The following SPO11 variants were observed in gnomAD, a reference collection of about 807,000 sequenced individuals.
SPO11 encodes the protein SPO11 initiator of meiotic double strand breaks, also known as meiotic recombination protein SPO11.
Under a neutral mutation model 51.6 loss-of-function variants are expected in SPO11, and 49 were observed. That is an observed-to-expected ratio of 0.95 (90% CI 0.75 to 1.20). The LOEUF (loss-of-function observed/expected upper bound fraction) is 1.20. SPO11 is among the 50% of genes most tolerant of loss of function. The pLI, the probability that SPO11 is intolerant of heterozygous loss-of-function variation, is 0.00. For missense variants in SPO11, 431 were observed against 473.4 expected (o/e 0.91, Z 0.83); for synonymous variants, 176 against 158.2 (o/e 1.11, Z -0.84).
In SPO11 at chr20:57,333,296, CT is replaced by C; in HGVS notation, c.334+24del. Reference sequence around the variant, plus strand: ...AATTTTGTAAGTTAATTGTTCTTAGCTTTTGGTAATAAAGGATAAATAAATT... The same window carrying C: ...AATTTTGTAAGTTAATTGTTCTTAGCTTTGGTAATAAAGGATAAATAAATT... On this transcript the variant is annotated intron_variant, in intron 3 of 12. Transcript: ENST00000371263. The C allele has an allele frequency of 1.3e-6, 2 of 1,543,522 alleles. No individual in the cohort carries two copies. The highest frequency in any genetic ancestry group is 8.8e-7 in the Non-Finnish European group (1 of 1,135,708).
At chr20:57,336,235 C>G (rs762749994) in intron 8 of SPO11, among the ~76,000 whole-genome samples, 1 of 152,116 alleles carries the variant, frequency 6.6e-6, no homozygotes, top group African/African-American at 2.4e-5. Context: ...GCTGAGTGTT[C>G]CTGCCACTTG....
At position 57,331,947 on chromosome 20, in the gene SPO11, G is replaced by A. The variant is rs1480666841; in HGVS notation, c.245+1G>A. The A allele has an allele frequency of 6.4e-7, 1 of 1,555,612 alleles. No individual in the cohort carries two copies. The highest frequency in any genetic ancestry group is 8.7e-7 in the Non-Finnish European group (1 of 1,148,122). ...ACAGATCAAGCTGGGAAAACATAAA[G>A]TGGGCATTTTGCATTTTTATTTTTT... On this transcript the variant is annotated splice_donor_variant, in intron 2 of 12. Transcript: ENST00000371263. LOFTEE classifies it high-confidence loss of function.
intron 8 of SPO11, among the ~76,000 whole-genome samples, chr20:57,336,904 C>T (rs753951595): frequency 3.3e-5 from 5 of 152,070 alleles, no homozygotes; most frequent in Admixed American, 6.6e-5. Flanking sequence ...CTAACATCAT[C>T]GTCACTTTAA....
At chr20:57,342,679 A>G in intron 11 of SPO11, 50 bp from the exon 12 acceptor site, 1 of 1,184,862 alleles carries the variant, frequency 8.4e-7, no homozygotes, top group Non-Finnish European at 1.2e-6. Flanking sequence ...CAGGACATTC[A>G]AGTTACAGAA....
At position 57,333,986 on chromosome 20, in the gene SPO11, G is replaced by A; in HGVS notation, c.402-1G>A. On this transcript the variant is annotated splice_acceptor_variant, in intron 4 of 12. Transcript: ENST00000371263. LOFTEE classifies it high-confidence loss of function. ...AAAATATGTATTTTAAATTTTCATA[G>A]GGACATATATTACACTGACAGTCAA... 6.7e-7 allele frequency: 1 copy of A among 1,503,262 alleles called. No homozygotes were observed. 93.1% of individuals were successfully genotyped at this position (1,503,262 alleles called of 1,614,324 possible). A position where few individuals can be genotyped will look rare whatever the true frequency, so the allele number is the denominator to read the frequency against.
In SPO11 at chr20:57,329,865, C is replaced by T; in HGVS notation, c.-3C>T. 6.2e-7 allele frequency: 1 copy of T among 1,612,722 alleles called. No homozygotes were observed. The highest frequency in any genetic ancestry group is 1.3e-5 in the African/African-American group (1 of 75,054). ...CTGGAGCTTCTGGCAGCCGTCTGCC[C>T]TCATGGCCTTTGCACCTATGGGGCC... is the stretch of plus-strand genomic sequence containing the variant. On this transcript the variant is annotated 5_prime_UTR_variant, in exon 1 of 13. Coordinates refer to ENST00000371263, the MANE Select transcript of SPO11 (RefSeq NM_012444.3).
chr20:57,339,012 A>C lies in SPO11; in HGVS notation c.868A>C (p.Lys290Gln), dbSNP rs771317121. The C allele has an allele frequency of 5.4e-6, 8 of 1,489,890 alleles. No homozygotes were observed. The African/African-American group carries it at 1.1e-4, about 21-fold the overall frequency. 92.3% of individuals were successfully genotyped at this position (1,489,890 alleles called of 1,614,324 possible). ...AGGCATAGAAATAATGTGCATCTAT[A>C]AGTATGGATCTATGGTAAGTATAGA... ...PHGIEIMCIY[K>Q]YGSMSMSFEA... is the part of the protein sequence containing the mutation. Residue 290 changes from lysine (K) to glutamine (Q), a missense_variant, in exon 10 of 13, where the codon AAG becomes CAG. Coordinates refer to ENST00000371263, the MANE Select transcript of SPO11 (RefSeq NM_012444.3).
chr20:57,342,959 T>A (rs2066601571), intron 12 of SPO11, 119 bp downstream of exon 12: 2 of 703,672 alleles, frequency 2.8e-6, no homozygotes, highest in Non-Finnish European at 4.9e-6. Flanking sequence ...ACGACTAACA[T>A]AAGTGTTGTT....
chr20:57,337,776 G>A (rs2066530410), intron 8 of SPO11: 1 of 1,308,088 alleles, frequency 7.6e-7, no homozygotes, highest in Non-Finnish European at 1.0e-6. Flanking sequence ...TCCAAGGTAG[G>A]AAGATGTAAC....
chr20:57,338,975 CTTTCT>C lies in SPO11; in HGVS notation c.845-10_845-6del, dbSNP rs773181974. The C allele has an allele frequency of 2.5e-5, 37 of 1,454,328 alleles. No individual in the cohort carries two copies. The highest frequency in any genetic ancestry group is 3.5e-5 in the Non-Finnish European group (37 of 1,063,816). 90.1% of individuals were successfully genotyped at this position (1,454,328 alleles called of 1,614,324 possible). ...GTAAGGAGACTAATTTTATAGTTAACTTTCTTTTAACAGGCATAGAAATAATGTGC... is the reference window on the plus strand; with the variant it reads ...GTAAGGAGACTAATTTTATAGTTAACTTTAACAGGCATAGAAATAATGTGC... On this transcript the variant is annotated splice_polypyrimidine_tract_variant and intron_variant, in intron 9 of 12. Coordinates refer to ENST00000371263, the MANE Select transcript of SPO11 (RefSeq NM_012444.3).
chr20:57,338,337 A>T lies in SPO11; in HGVS notation c.806A>T (p.His269Leu). Residue 269 changes from histidine to leucine, a missense_variant, in exon 9 of 13, where the codon CAT becomes CTT. His to Leu is a moderately conservative substitution (Grantham distance 99). Coordinates refer to ENST00000371263, the MANE Select transcript of SPO11 (RefSeq NM_012444.3). ...LLVKKLWDTFHVPVFTLVDAD... is the reference protein window; with the variant it reads ...LLVKKLWDTFLVPVFTLVDAD... ...GTCAAGAAACTGTGGGATACATTTC[A>T]TGTTCCTGTTTTCACTCTTGTAGAT... 6.2e-7 allele frequency: 1 copy of T among 1,613,882 alleles called. No homozygotes were observed.
chr20:57,343,388 G>T lies in SPO11; in HGVS notation c.1119G>T (p.Leu373Phe). The T allele has an allele frequency of 6.2e-7, 1 of 1,610,908 alleles. No homozygotes were observed. Among genetic ancestry groups the T allele is most frequent in the South Asian group, 1.1e-5 (1 of 90,478 alleles). Residue 373 changes from leucine (L) to phenylalanine (F), a missense_variant, in exon 13 of 13, where the codon TTG becomes TTT. Coordinates refer to ENST00000371263, the MANE Select transcript of SPO11 (RefSeq NM_012444.3). ...AAATGAAGGCAGAAATTCAAGCTTT[G>T]ACTTTCCTATCATCAGATTATCTTT... ...DSKMKAEIQALTFLSSDYLSR... is the reference protein window; with the variant it reads ...DSKMKAEIQAFTFLSSDYLSR...
chr20:57,331,809 A>G (rs905445551), intron 1 of SPO11, 24 bp from the exon 2 acceptor site: 3 of 1,348,508 alleles, frequency 2.2e-6, no homozygotes, highest in Admixed American at 2.2e-5. Flanking sequence ...TTAAGATGGA[A>G]TCATGCTCTG....
chr20:57,342,943 T>C (rs1479541834), intron 12 of SPO11, 103 bp downstream of exon 12: 16 of 796,002 alleles, frequency 2.0e-5, no homozygotes, highest in African/African-American at 3.5e-5. Context: ...TGAAATTTTA[T>C]ATGACACGAC....
At chr20:57,342,874 TTTAA>T (rs1293726149) in intron 12 of SPO11, 34 bp downstream of exon 12, 1 of 1,458,752 alleles carries the variant, frequency 6.9e-7, no homozygotes, top group Non-Finnish European at 9.6e-7. Flanking sequence ...GTGTTGCATG[TTTAA>T]TTGTCTTTTA....
chr20:57,342,911 C>T (rs923787692), intron 12 of SPO11, 71 bp downstream of exon 12: 4 of 1,054,726 alleles, frequency 3.8e-6, no homozygotes, highest in East Asian at 2.5e-5. Context: ...CTATTCACAT[C>T]GTATTTTGAA....
chr20:57,334,493 A>G (rs919430964), intron 5 of SPO11, among the ~76,000 whole-genome samples: 3 of 152,210 alleles, frequency 2.0e-5, no homozygotes, highest in Non-Finnish European at 4.4e-5. Flanking sequence ...TTCTTTTGCT[A>G]TTATTTGATG....
rs1244817303 is a variant in SPO11 at position 57,333,690 on chromosome 20, TA to T, written c.340del (p.Ile114SerfsTer7). On this transcript the variant is annotated frameshift_variant, in exon 4 of 13. Coordinates refer to ENST00000371263, the MANE Select transcript of SPO11 (RefSeq NM_012444.3). LOFTEE classifies it high-confidence loss of function. Reference protein sequence around the residue: ...DSPKSAQKFSLILKILSMIYK... With the variant: ...DSPKSAQKFSXILKILSMIYK... ...TTTGTTGAATTTTATTTTCCAGCTC[TA>T]ATCCTTAAAATATTGTCCATGATTT... is the stretch of plus-strand genomic sequence containing the variant. 4 of 1,487,032 alleles carry T rather than the reference TA, an allele frequency of 2.7e-6. No homozygotes were observed. The highest frequency in any genetic ancestry group is 3.7e-6 in the Non-Finnish European group (4 of 1,071,204). 92.1% of individuals were successfully genotyped at this position (1,487,032 alleles called of 1,614,324 possible). A position where few individuals can be genotyped will look rare whatever the true frequency, so the allele number is the denominator to read the frequency against.
At chr20:57,342,231 C>G (rs1303350935) in intron 11 of SPO11, among the ~76,000 whole-genome samples, 1 of 152,078 alleles carries the variant, frequency 6.6e-6, no homozygotes, top group Non-Finnish European at 1.5e-5. Context: ...AAGTGAGACA[C>G]TAACTTCCAT....
Sources: allele counts gnomAD v4.1 joint callset (sites outside exome capture counted in the v4.1 genomes callset), GRCh38; gene constraint gnomAD v4.1.1; transcripts MANE v1.5; gene names NCBI Gene and HGNC (gene_info 2026-07-23, HGNC 2026-07-21).